UNC79: variants seen among roughly 807,000 people sequenced by gnomAD.
The protein encoded by UNC79 is protein unc-79 homolog.
A neutral mutation model predicts 283.1 loss-of-function variants in UNC79; 37 were observed. That is an observed-to-expected ratio of 0.13 (90% CI 0.10 to 0.17). The LOEUF (loss-of-function observed/expected upper bound fraction) is 0.17, where lower values mean the gene tolerates loss of function less well. UNC79 is among the 10% of genes least tolerant of loss of function. UNC79 has a pLI of 1.00. For missense variants in UNC79, 2,272 were observed against 3,211.1 expected, an observed-to-expected ratio of 0.71 and a Z score of 7.07; for synonymous variants, 1,107 against 1,200.2, an observed-to-expected ratio of 0.92 and a Z score of 1.61.
chr14:93,480,638 A>T (rs1360611085), intron 4 of UNC79, among the ~76,000 whole-genome samples: 1 of 152,172 alleles, frequency 6.6e-6, no homozygotes, highest in South Asian at 2.1e-4. Context: ...TTGTTATTTC[A>T]TGAGTATACA....
intron 1 of UNC79, among the ~76,000 whole-genome samples, chr14:93,348,655 C>T (rs951519802): frequency 2.0e-5 from 3 of 152,188 alleles, no homozygotes; most frequent in Non-Finnish European, 4.4e-5. Context: ...AGAATGAGTA[C>T]ATCTCCTATT....
intron 46 of UNC79, 28 bp downstream of exon 49, chr14:93,691,974 G>C (rs756167747): frequency 1.9e-6 from 3 of 1,611,318 alleles, no homozygotes; most frequent in Non-Finnish European, 2.5e-6. Flanking sequence ...TTTCCCTTCT[G>C]AGATGGAATC....
chr14:93,644,438 T>G (rs1372248172), intron 34 of UNC79, among the ~76,000 whole-genome samples: 1 of 152,204 alleles, frequency 6.6e-6, no homozygotes, highest in African/African-American at 2.4e-5. Context: ...GTGTGAACAG[T>G]GCCAGGTGCT....
At chr14:93,410,304 G>T (rs537276467) in intron 1 of UNC79, among the ~76,000 whole-genome samples, 1 of 152,344 alleles carries the variant, frequency 6.6e-6, no homozygotes, top group East Asian at 1.9e-4. Flanking sequence ...TATCCCAGCG[G>T]TCTGAACTTT....
At chr14:93,455,395 T>G (rs907063902) in intron 1 of UNC79, among the ~76,000 whole-genome samples, 3 of 152,242 alleles carry the variant, frequency 2.0e-5, no homozygotes, top group African/African-American at 4.8e-5. Flanking sequence ...TGCATTTGTC[T>G]TTTATTCTTT....
intron 1 of UNC79, among the ~76,000 whole-genome samples, chr14:93,340,158 C>T (rs1236745233): frequency 1.3e-5 from 2 of 152,134 alleles, no homozygotes; most frequent in African/African-American, 2.4e-5. Flanking sequence ...AGTTGGACAC[C>T]TATGCTGGGT....
intron 9 of UNC79, among the ~76,000 whole-genome samples, 184 bp downstream of exon 9, chr14:93,528,830 G>A (rs937606896): frequency 1.3e-5 from 2 of 152,112 alleles, no homozygotes; most frequent in Non-Finnish European, 2.9e-5. Context: ...GCTTTGAAAA[G>A]TTGCAATATT....
intron 16 of UNC79, among the ~76,000 whole-genome samples, chr14:93,574,519 A>G (rs903320290): frequency 1.3e-5 from 2 of 152,238 alleles, no homozygotes; most frequent in African/African-American, 4.8e-5. Context: ...AACAGAAGAA[A>G]AAGTAATAAT....
exon 47 of UNC79, chr14:93,694,340 A>G (rs1400246710): frequency 8.1e-6 from 13 of 1,608,696 alleles, no homozygotes; most frequent in African/African-American, 1.3e-5. Context: ...TTCAGATGGT[A>G]GAAATGGTGT....
At chr14:93,419,800 A>C (rs2055551524) in intron 1 of UNC79, among the ~76,000 whole-genome samples, 1 of 151,610 alleles carries the variant, frequency 6.6e-6, no homozygotes, top group Admixed American at 6.6e-5. Context: ...GTGGTGGCTG[A>C]CCCCTGTAAT....
chr14:93,575,254 T>C (rs1301675564), intron 17 of UNC79, 56 bp downstream of exon 17: 2 of 1,609,152 alleles, frequency 1.2e-6, no homozygotes, highest in Non-Finnish European at 1.7e-6. Context: ...AAAACCCTTG[T>C]CAGTTATCCT....
intron 8 of UNC79, among the ~76,000 whole-genome samples, chr14:93,524,329 G>C (rs1181405408): frequency 2.0e-5 from 3 of 152,154 alleles, no homozygotes; most frequent in Non-Finnish European, 2.9e-5. Context: ...TCCTTAACTG[G>C]TTTCTATTTC....
intron 7 of UNC79, among the ~76,000 whole-genome samples, chr14:93,497,635 G>A (rs1436759179): frequency 1.3e-5 from 2 of 152,164 alleles, no homozygotes; most frequent in African/African-American, 4.8e-5. Context: ...AGCAGATTCT[G>A]CTCTGATAAG....
chr14:93,419,558 G>A (rs1048133621), intron 1 of UNC79, among the ~76,000 whole-genome samples: 2 of 151,690 alleles, frequency 1.3e-5, no homozygotes, highest in South Asian at 4.3e-4. Context: ...TGATAAGATA[G>A]AAACAGCAAA....
In UNC79 at chr14:93,455,103, G is replaced by A. The variant is rs77904134; in HGVS notation, c.23-12568G>A. On this transcript the variant is annotated intron_variant, in intron 1 of 48. Transcript: ENST00000555664. ...AACTGGCTGAAGACTATGTATGTAAGTATGCAAATATTTGGAAGAGCTTAA... is the reference window on the plus strand; with the variant it reads ...AACTGGCTGAAGACTATGTATGTAAATATGCAAATATTTGGAAGAGCTTAA... Among the ~76,000 whole-genome samples, 481 of 152,280 alleles carry A rather than the reference G, an allele frequency of 3.2e-3. 6 individuals are homozygous for A. In the East Asian group the frequency reaches 0.068, roughly 22 times the overall value.
At chr14:93,615,196 G>A (rs961987413) in intron 27 of UNC79, among the ~76,000 whole-genome samples, 1 of 152,120 alleles carries the variant, frequency 6.6e-6, no homozygotes, top group African/African-American at 2.4e-5. Context: ...CTGTCTCATG[G>A]TAGGAACTCA....
At chr14:93,682,225 G>A (rs2073904874) in intron 41 of UNC79, among the ~76,000 whole-genome samples, 1 of 152,146 alleles carries the variant, frequency 6.6e-6, no homozygotes, top group African/African-American at 2.4e-5. Flanking sequence ...TTGTTTTTCT[G>A]GTTTCTTTCT....
chr14:93,623,571 A>G (rs952755577), intron 30 of UNC79, among the ~76,000 whole-genome samples: 2 of 152,168 alleles, frequency 1.3e-5, no homozygotes, highest in African/African-American at 4.8e-5. Context: ...ATCAAAACCC[A>G]TCTTCATTTC....
chr14:93,622,341 A>C lies in UNC79; in HGVS notation c.5108A>C (p.Asn1703Thr), dbSNP rs539328393. The change falls in exon 30 of 49, where the codon AAT becomes ACT. Residue 1703 changes from asparagine to threonine, a missense_variant. Asn to Thr is a moderately conservative substitution (Grantham distance 65). Coordinates refer to ENST00000555664, the Ensembl canonical transcript of UNC79. Reference sequence around the variant, plus strand: ...GACTTTTCTTCTAAGGACTCAGGAAATAATCAGTCAGCAGGGAACACTGAC... The same window carrying C: ...GACTTTTCTTCTAAGGACTCAGGAACTAATCAGTCAGCAGGGAACACTGAC... 41 of 1,614,078 alleles carry C rather than the reference A, an allele frequency of 2.5e-5. No individual in the cohort carries two copies. The highest frequency in any genetic ancestry group is 3.1e-5 in the Non-Finnish European group (37 of 1,180,044).
Sources: allele counts gnomAD v4.1 joint callset (sites outside exome capture counted in the v4.1 genomes callset), GRCh38; gene constraint gnomAD v4.1.1; transcripts MANE v1.5; gene names NCBI Gene and HGNC (gene_info 2026-07-23, HGNC 2026-07-21).